The following ABCA12 variants were observed in gnomAD, a reference collection of about 807,000 sequenced individuals.
ABCA12 encodes ATP binding cassette subfamily A member 12.
Under a neutral mutation model 293.5 loss-of-function variants are expected in ABCA12, and 156 were observed. That is an observed-to-expected ratio of 0.53 (90% CI 0.47 to 0.61). The LOEUF (loss-of-function observed/expected upper bound fraction) is 0.61. Among genes scored for constraint, ABCA12 ranks in the 20% least tolerant of loss-of-function variants. The pLI is 0.00. For synonymous variants in ABCA12, 1,063 were observed against 1,108.0 expected (o/e 0.96, Z 0.81); for missense variants, 2,797 against 3,090.2 (o/e 0.91, Z 2.25).
chr2:215,100,564 A>C (rs1702337501), intron 2 of ABCA12, among the ~76,000 whole-genome samples: 1 of 238 alleles, frequency 4.2e-3, no homozygotes, highest in East Asian at 0.1. Flanking sequence ...ATTATGTGCA[A>C]AGTACTGGCC....
chr2:215,053,089 G>C (rs1011184532), intron 4 of ABCA12, among the ~76,000 whole-genome samples: 1 of 151,982 alleles, frequency 6.6e-6, no homozygotes, highest in African/African-American at 2.4e-5. Context: ...TGATATTTTA[G>C]ATCAAATAAA....
At chr2:215,057,410 G>A (rs1207345431) in intron 3 of ABCA12, among the ~76,000 whole-genome samples, 1 of 151,926 alleles carries the variant, frequency 6.6e-6, no homozygotes, top group Non-Finnish European at 1.5e-5. Context: ...TGGAGCTGGA[G>A]GCCCATATTT....
At chr2:215,093,518 A>G (rs957389360) in intron 2 of ABCA12, among the ~76,000 whole-genome samples, 5 of 152,292 alleles carry the variant, frequency 3.3e-5, no homozygotes, top group Admixed American at 6.5e-5. Context: ...TGCGGTTAGA[A>G]TTCTTACACA....
In ABCA12 at chr2:215,025,876, T is replaced by C. The variant is rs1181469271; in HGVS notation, c.1181-97A>G. 3 of 813,878 alleles carry C rather than the reference T, an allele frequency of 3.7e-6. No individual in the cohort carries two copies. The Admixed American group carries it at 6.4e-5, about 17-fold the overall frequency. The allele number at this position is 813,878 out of a possible 1,614,324, so 50.4% of individuals were successfully genotyped here. A position where few individuals can be genotyped will look rare whatever the true frequency, so the allele number is the denominator to read the frequency against. The stretch of plus-strand genomic sequence containing the variant: ...CTCTATCCTGACTTATTACTAAATT[T>C]TTCCTAAGATAATAGCCTACCTCAA... On this transcript the variant is annotated intron_variant, in intron 10 of 52. Transcript: ENST00000272895.
rs780796632 is a variant in ABCA12 at position 215,012,055 on chromosome 2, C to G, written c.2037G>C (p.Gln679His). 3.7e-6 allele frequency: 6 copies of G among 1,613,950 alleles called. No homozygotes were observed. Among genetic ancestry groups the G allele is most frequent in the Non-Finnish European group, 8.5e-7 (1 of 1,179,906 alleles). ...LFIRLKEILN[Q>H]MASGTHPLLD... ...GCAGCGGATGTGTGCCAGAAGCCAT[C>G]TGATTGAGAATCTCTTTTAGTCTTA... The change falls in exon 16 of 53, where the codon CAG (glutamine) becomes CAC (histidine). Residue 679 changes from glutamine (Q) to histidine (H), a missense_variant. Gln to His is a conservative substitution (Grantham distance 24). Transcript: ENST00000272895.
chr2:215,077,858 T>C (rs747936064), intron 2 of ABCA12, among the ~76,000 whole-genome samples: 9 of 152,240 alleles, frequency 5.9e-5, no homozygotes, highest in Non-Finnish European at 1.0e-4. Context: ...TATCTATTAT[T>C]AAATTATACC....
rs201708455 is a variant in ABCA12, at chr2:214,978,812, C to T, written c.4969G>A (p.Val1657Met). Reference protein sequence around the residue: ...IGCYGISDTTVEEVFLNLTKE... With the variant: ...IGCYGISDTTMEEVFLNLTKE... ...GAAATATTGAGGTATACCTCCTCCA[C>T]GGTGGTATCTGAAATGCCGTAGCAC... is the stretch of plus-strand genomic sequence containing the variant. The change falls in exon 32 of 53, where the codon GTG (valine) becomes ATG (methionine). Residue 1657 changes from valine (V) to methionine (M), a missense_variant. By Grantham distance (21) the Val-to-Met change is conservative. Around this residue, in one of 3 missense-constraint regions of ABCA12, gnomAD observed 2,130 missense variants for 2,427.0 expected, o/e 0.88. Coordinates refer to ENST00000272895, the MANE Select transcript of ABCA12 (RefSeq NM_173076.3). 28 of 1,613,128 alleles carry T rather than the reference C, an allele frequency of 1.7e-5. No homozygotes were observed. In the Admixed American group the frequency reaches 3.2e-4, roughly 18 times the overall value.
chr2:214,935,806 A>T (rs4673918), intron 51 of ABCA12, among the ~76,000 whole-genome samples: 78,632 of 151,650 alleles, frequency 0.52, 21,094 homozygotes, highest in African/African-American at 0.67. Flanking sequence ...CTTAAAAAAA[A>T]TTTTTTTTAA....
chr2:215,039,718 G>A (rs1701059398), intron 7 of ABCA12, among the ~76,000 whole-genome samples: 1 of 151,936 alleles, frequency 6.6e-6, no homozygotes, highest in African/African-American at 2.4e-5. Context: ...TCCCGCCACT[G>A]CACTCCAGCC....
At chr2:214,999,347 A>C (rs1486484430) in intron 22 of ABCA12, among the ~76,000 whole-genome samples, 2 of 152,254 alleles carry the variant, frequency 1.3e-5, no homozygotes, top group Non-Finnish European at 2.9e-5. Flanking sequence ...TCTTATAAAC[A>C]GGAGGACTAG....
At chr2:215,083,559 C>T (rs767790492) in intron 2 of ABCA12, among the ~76,000 whole-genome samples, 2 of 152,024 alleles carry the variant, frequency 1.3e-5, no homozygotes, top group Non-Finnish European at 2.9e-5. Context: ...TTTACAAAAA[C>T]AAAAGAAAAA....
At position 214,980,563 on chromosome 2, in the gene ABCA12, C is replaced by T. The variant is rs368513379; in HGVS notation, c.4660G>A (p.Gly1554Arg). ...AATGGGGACCCACAGCACCTAAGCC[C>T]ACCCTGCTCCAGGAAGGCGATGCGG... ...SDRIAFLEQG[G>R]LRCCGSPFYL... is the part of the protein sequence containing the mutation. Residue 1554 changes from glycine to arginine, a missense_variant, in exon 31 of 53, where the codon GGG becomes AGG. Coordinates refer to ENST00000272895, the MANE Select transcript of ABCA12 (RefSeq NM_173076.3). 3.1e-6 allele frequency: 5 copies of T among 1,613,934 alleles called. No homozygotes were observed. Among genetic ancestry groups the T allele is most frequent in the Non-Finnish European group, 4.2e-6 (5 of 1,180,006 alleles).
chr2:215,071,868 T>G (rs759218514), intron 2 of ABCA12, among the ~76,000 whole-genome samples: 8 of 152,342 alleles, frequency 5.3e-5, no homozygotes, highest in Admixed American at 3.3e-4. Flanking sequence ...GAGTGTTGCA[T>G]GATGATGCAC....
At chr2:215,000,625 A>T in intron 22 of ABCA12, 80 bp downstream of exon 22, 1 of 1,527,292 alleles carries the variant, frequency 6.5e-7, no homozygotes. Context: ...CTTTCATGTA[A>T]TACATCTGAA....
intron 2 of ABCA12, among the ~76,000 whole-genome samples, chr2:215,082,277 T>A (rs1028336561): frequency 3.9e-5 from 6 of 151,938 alleles, no homozygotes; most frequent in African/African-American, 1.5e-4. Flanking sequence ...ACTCCTGACC[T>A]TGTGATCCAC....
At chr2:215,128,109 G>A (rs1702966665) in intron 1 of ABCA12, among the ~76,000 whole-genome samples, 1 of 152,134 alleles carries the variant, frequency 6.6e-6, no homozygotes, top group African/African-American at 2.4e-5. Flanking sequence ...ATTTGATGAG[G>A]CTATAAAGAT....
chr2:215,008,692 A>C (rs1559143369), intron 18 of ABCA12, among the ~76,000 whole-genome samples: 1 of 152,188 alleles, frequency 6.6e-6, no homozygotes, highest in African/African-American at 2.4e-5. Context: ...AAATTATAGG[A>C]AGATGCATAT....
intron 2 of ABCA12, among the ~76,000 whole-genome samples, chr2:215,107,287 T>C (rs116132747): frequency 0.017 from 2,637 of 152,290 alleles, 57 homozygotes; most frequent in African/African-American, 0.06. Context: ...TTAGTCTAAG[T>C]GTGTCTTGTA....
At chr2:215,036,597 T>C (rs1316313581) in intron 8 of ABCA12, among the ~76,000 whole-genome samples, 3 of 152,208 alleles carry the variant, frequency 2.0e-5, no homozygotes, top group Non-Finnish European at 2.9e-5. Flanking sequence ...TGAAAATGAA[T>C]TTTAAAATAC....
Sources: allele counts gnomAD v4.1 joint callset (sites outside exome capture counted in the v4.1 genomes callset), GRCh38; gene constraint gnomAD v4.1.1; regional missense constraint gnomAD v4.1.1; transcripts MANE v1.5; gene names NCBI Gene and HGNC (gene_info 2026-07-23, HGNC 2026-07-21).